Variants in SDHAF3 observed in about 807,000 individuals in gnomAD.
The protein encoded by SDHAF3 is succinate dehydrogenase complex assembly factor 3, also known as succinate dehydrogenase assembly factor 3, mitochondrial.
A neutral mutation model predicts 11.5 loss-of-function variants in SDHAF3; 18 were observed. The observed-to-expected ratio is 1.56, with a 90% CI of 1.08 to 2.32. SDHAF3 has a LOEUF of 2.32. SDHAF3 is among the 30% of genes most tolerant of loss of function. The pLI, the probability that SDHAF3 is intolerant of heterozygous loss-of-function variation, is 0.00. For missense variants in SDHAF3, 200 were observed against 154.4 expected, an observed-to-expected ratio of 1.30 and a Z score of -1.57; for synonymous variants, 72 against 59.3, an observed-to-expected ratio of 1.21 and a Z score of -0.99.
At chr7:97,125,297 A>G (rs566831532) in intron 1 of SDHAF3, among the ~76,000 whole-genome samples, 29 of 152,152 alleles carry the variant, frequency 1.9e-4, no homozygotes, top group African/African-American at 6.5e-4. Context: ...TTGTTTGCCT[A>G]GTTCTTTTAA....
intron 1 of SDHAF3, among the ~76,000 whole-genome samples, chr7:97,148,930 C>CTTTTTTTTTTTTTTTTTTT (rs36056301): frequency 7.2e-6 from 1 of 139,306 alleles, no homozygotes; most frequent in Non-Finnish European, 1.6e-5. Context: ...AGATTTGTGT[C>CTTTTTTTTTTTTTTTTTTT]TTTTTTTTTT....
intron 1 of SDHAF3, among the ~76,000 whole-genome samples, chr7:97,124,661 TCTTA>T (rs774614122): frequency 7.2e-5 from 11 of 152,358 alleles, no homozygotes; most frequent in Non-Finnish European, 1.3e-4. Context: ...TTGTGTCCTC[TCTTA>T]CTTCTTTGAG....
At chr7:97,148,776 G>A (rs900767703) in intron 1 of SDHAF3, among the ~76,000 whole-genome samples, 2 of 152,116 alleles carry the variant, frequency 1.3e-5, no homozygotes, top group Non-Finnish European at 2.9e-5. Flanking sequence ...AAAAATGAGT[G>A]AAATTAACTT....
intron 1 of SDHAF3, among the ~76,000 whole-genome samples, chr7:97,158,426 C>A (rs1169060460): frequency 6.6e-6 from 1 of 152,144 alleles, no homozygotes; most frequent in Non-Finnish European, 1.5e-5. Context: ...CTCCCGGGTT[C>A]AAGCGATTCT....
rs531481424 is a variant in SDHAF3, at chr7:97,119,537, C to T, written c.174+1640C>T. Among the ~76,000 whole-genome samples the T allele has an allele frequency of 7.2e-5, 11 of 152,210 alleles. 1 individual carries two copies. The highest frequency in any genetic ancestry group is 6.8e-3 in the Middle Eastern group (2 of 294). The stretch of plus-strand genomic sequence containing the variant: ...GAGAGTTCCCTACATCCTGTTTCCC[C>T]CTGTGTTAGCATCTTACATAATCAG... On this transcript the variant is annotated intron_variant, in intron 1 of 1. Coordinates refer to ENST00000432641, the MANE Select transcript of SDHAF3 (RefSeq NM_020186.3).
chr7:97,141,713 C>T (rs1278285519), intron 1 of SDHAF3, among the ~76,000 whole-genome samples: 1 of 152,134 alleles, frequency 6.6e-6, no homozygotes, highest in African/African-American at 2.4e-5. Context: ...CCAGGATGGT[C>T]TCTATCTCCT....
chr7:97,136,464 TTCAG>T, intron 1 of SDHAF3: 1 of 653,480 alleles, frequency 1.5e-6, no homozygotes, highest in Non-Finnish European at 2.8e-6. Flanking sequence ...ATTTGGTACT[TTCAG>T]TAAGTAAGAC....
Position 97,117,740 on chromosome 7 carries a change from T to C in SDHAF3, c.17T>C (p.Val6Ala), listed in dbSNP as rs1210338433. 1 of 1,613,366 alleles carries C rather than the reference T, an allele frequency of 6.2e-7. No homozygotes were observed. Among genetic ancestry groups the C allele is most frequent in the Admixed American group, 1.7e-5 (1 of 60,002 alleles). The change falls in exon 1 of 2, where the codon GTT becomes GCT. Residue 6 changes from valine to alanine, a missense_variant. Physicochemically the swap from Val to Ala is moderately conservative, Grantham distance 64. Transcript: ENST00000432641. The part of the protein sequence containing the change: MPGRH[V>A]SRVRALYKRV... ...TGGGGCGCTATGCCGGGGCGGCACGTTTCTCGAGTCCGGGCATTGTACAAG... is the reference window on the plus strand; with the variant it reads ...TGGGGCGCTATGCCGGGGCGGCACGCTTCTCGAGTCCGGGCATTGTACAAG...
At chr7:97,168,067 T>A (rs1312507785) in intron 1 of SDHAF3, among the ~76,000 whole-genome samples, 1 of 152,174 alleles carries the variant, frequency 6.6e-6, no homozygotes, top group Non-Finnish European at 1.5e-5. Context: ...TCTCTTCAGC[T>A]TATGTGTGGG....
chr7:97,178,712 C>T (rs1789727015), intron 1 of SDHAF3, among the ~76,000 whole-genome samples: 2 of 151,968 alleles, frequency 1.3e-5, no homozygotes, highest in Admixed American at 6.6e-5. Context: ...GGCTATTTGT[C>T]TTTTAGTTGT....
chr7:97,130,542 G>T (rs1438658095), intron 1 of SDHAF3, among the ~76,000 whole-genome samples: 1 of 152,166 alleles, frequency 6.6e-6, no homozygotes, highest in Non-Finnish European at 1.5e-5. Context: ...TCATGTTACA[G>T]CTTGTTCATT....
intron 1 of SDHAF3, among the ~76,000 whole-genome samples, chr7:97,155,070 T>C (rs1215337006): frequency 6.6e-6 from 1 of 152,226 alleles, no homozygotes; most frequent in Non-Finnish European, 1.5e-5. Flanking sequence ...TTAATTCATC[T>C]ATTTCAAAAT....
intron 1 of SDHAF3, among the ~76,000 whole-genome samples, chr7:97,163,096 T>A (rs1562829428): frequency 6.6e-6 from 1 of 152,108 alleles, no homozygotes; most frequent in Admixed American, 6.5e-5. Context: ...ATAGCTCTTC[T>A]TGCTGCATTG....
intron 1 of SDHAF3, among the ~76,000 whole-genome samples, chr7:97,142,207 C>T (rs1324328155): frequency 6.6e-6 from 1 of 151,606 alleles, no homozygotes; most frequent in Non-Finnish European, 1.5e-5. Context: ...GCGCATACCA[C>T]CACGCCTAGC....
intron 1 of SDHAF3, among the ~76,000 whole-genome samples, chr7:97,122,215 G>A (rs1383449965): frequency 2.6e-5 from 4 of 152,168 alleles, no homozygotes; most frequent in South Asian, 2.1e-4. Flanking sequence ...AGTGTTTTAC[G>A]CAGAAGATGA....
chr7:97,168,275 T>G (rs988815264), intron 1 of SDHAF3, among the ~76,000 whole-genome samples: 1 of 152,166 alleles, frequency 6.6e-6, no homozygotes, highest in Non-Finnish European at 1.5e-5. Flanking sequence ...AACAGTGATA[T>G]TATCCCCAGG....
intron 1 of SDHAF3, among the ~76,000 whole-genome samples, chr7:97,141,577 G>A (rs761423883): frequency 6.6e-6 from 1 of 152,036 alleles, no homozygotes; most frequent in African/African-American, 2.4e-5. Context: ...GATATCTGGC[G>A]CCCGATGTGG....
chr7:97,134,457 T>C (rs778819542), intron 1 of SDHAF3, among the ~76,000 whole-genome samples: 2 of 152,284 alleles, frequency 1.3e-5, no homozygotes, highest in Non-Finnish European at 2.9e-5. Context: ...AAAAGAACTT[T>C]CGTTTTTGAG....
intron 1 of SDHAF3, 79 bp downstream of exon 1, chr7:97,117,976 C>A: frequency 1.3e-6 from 2 of 1,520,578 alleles, no homozygotes; most frequent in Admixed American, 1.9e-5. Context: ...GTCCCCCATG[C>A]GGGGTTAAAC....
Sources: gnomAD v4.1 joint callset for allele counts (sites outside exome capture counted in the v4.1 genomes callset) on GRCh38, gnomAD v4.1.1 for gene constraint, MANE v1.5 for transcripts, NCBI Gene and HGNC (gene_info 2026-07-23, HGNC 2026-07-21) for gene names.